RRAGC: variants seen among roughly 807,000 people sequenced by gnomAD.
RRAGC encodes the protein Ras related GTP binding C.
Under a neutral mutation model 37.1 loss-of-function variants are expected in RRAGC, and 8 were observed. The observed-to-expected ratio is 0.22, with a 90% CI of 0.13 to 0.39. The LOEUF is 0.39. Among genes scored for constraint, RRAGC ranks in the 10% least tolerant of loss-of-function variants. The probability of loss-of-function intolerance (pLI) is 1.00; values close to 1 mark genes in which losing one functional copy is unlikely to be tolerated. For synonymous variants in RRAGC, 190 were observed against 181.1 expected (o/e 1.05, Z -0.39); for missense variants, 342 against 497.6 (o/e 0.69, Z 2.98).
intron 5 of RRAGC, among the ~76,000 whole-genome samples, chr1:38,850,738 T>C (rs1158898604): frequency 6.6e-6 from 1 of 152,124 alleles, no homozygotes; most frequent in African/African-American, 2.4e-5. Context: ...AAAGCAAAGA[T>C]AATGCTAAAA....
chr1:38,848,216 A>C (rs1197294186), intron 5 of RRAGC: 5 of 152,114 alleles, frequency 3.3e-5, no homozygotes, highest in Non-Finnish European at 5.9e-5. Context: ...TGCTTTTAAG[A>C]GTATAGAAGA....
rs187058421 is a variant in RRAGC, at chr1:38,846,318, C to T, written c.900-231G>A. On this transcript the variant is annotated intron_variant, in intron 5 of 6. Transcript: ENST00000373001. The stretch of plus-strand genomic sequence containing the variant: ...ACATCCTTTAATATAGATAATCAGA[C>T]ATTTGGAGAAAAAGGTGCAAACATA... 7.8e-4 allele frequency: 330 copies of T among 425,612 alleles called. 3 individuals are homozygous for T. Among genetic ancestry groups the T allele is most frequent in the African/African-American group, 6.2e-3 (297 of 47,704 alleles). 26.4% of individuals were successfully genotyped at this position (425,612 alleles called of 1,614,324 possible). A position where few individuals can be genotyped will look rare whatever the true frequency, so the allele number is the denominator to read the frequency against.
intron 1 of RRAGC, 97 bp downstream of exon 1, chr1:38,859,313 C>G: frequency 1.8e-6 from 2 of 1,121,856 alleles, no homozygotes; most frequent in Non-Finnish European, 1.3e-6. Flanking sequence ...AGGGACGGAG[C>G]GCAGGCGGGC....
Position 38,841,740 on chromosome 1 carries a change from G to A in RRAGC, c.1049-2036C>T, listed in dbSNP as rs1049546780. 4.6e-5 allele frequency among the ~76,000 whole-genome samples: 7 copies of A among 151,850 alleles called. 1 individual carries two copies. In the South Asian group the frequency reaches 1.5e-3, roughly 32 times the overall value. On this transcript the variant is annotated intron_variant, in intron 6 of 6. Transcript: ENST00000373001. ...GATGCACACCTGTAATCCCAGCTAT[G>A]TGAGAGGCTGAGGTGTGAAGACTGC...
intron 3 of RRAGC, 88 bp downstream of exon 3, chr1:38,855,620 G>T: frequency 9.6e-7 from 1 of 1,037,180 alleles, no homozygotes; most frequent in Non-Finnish European, 1.5e-6. Flanking sequence ...CACACAGGTA[G>T]CAGAAAGCTA....
rs1437349017 is a variant in RRAGC, at chr1:38,859,735, G to GCCA, written c.-92_-90dup. On this transcript the variant is annotated 5_prime_UTR_variant, in exon 1 of 7. Transcript: ENST00000373001. ...TCCCCAGTCCGCCTCCGCCGCCGCC[G>GCCA]CCACCACCGCCACCGCCCCCGGCAG... The GCCA allele has an allele frequency of 7.5e-6, 8 of 1,061,402 alleles. No individual in the cohort carries two copies. The highest frequency in any genetic ancestry group is 6.7e-5 in the African/African-American group (4 of 60,088). The allele number at this position is 1,061,402 out of a possible 1,614,324, so 65.7% of individuals were successfully genotyped here.
chr1:38,850,109 C>T (rs1045389849), intron 5 of RRAGC, among the ~76,000 whole-genome samples: 14 of 151,052 alleles, frequency 9.3e-5, no homozygotes, highest in African/African-American at 3.2e-4. Flanking sequence ...GGGAGGCTGA[C>T]GCAGGAGAAT....
At chr1:38,854,757 A>G (rs1208848710) in intron 3 of RRAGC, among the ~76,000 whole-genome samples, 3 of 152,238 alleles carry the variant, frequency 2.0e-5, no homozygotes, top group Non-Finnish European at 4.4e-5. Flanking sequence ...AGAATAACTG[A>G]AAGATCTTGG....
chr1:38,859,470 G>A lies in RRAGC; in HGVS notation c.177C>T (p.Ser59=). The change falls in exon 1 of 7, where the codon AGC becomes AGT. Residue 59 remains serine (S), a synonymous_variant. Coordinates refer to ENST00000373001, the MANE Select transcript of RRAGC (RefSeq NM_022157.4). ...CCATGAGCAGAATCCTCGGCTTGGA[G>A]CTGTCAGCGCCCCCCGGACCACAGC... ...GGGCGPGGAD[S]SKPRILLMGL... is the part of the protein sequence containing the mutation. The A allele has an allele frequency of 2.6e-6, 4 of 1,548,118 alleles. No individual in the cohort carries two copies. Among genetic ancestry groups the A allele is most frequent in the Non-Finnish European group, 2.6e-6 (3 of 1,146,670 alleles).
intron 5 of RRAGC, among the ~76,000 whole-genome samples, chr1:38,850,549 A>G (rs1238755461): frequency 2.6e-5 from 4 of 152,014 alleles, no homozygotes; most frequent in Non-Finnish European, 4.4e-5. Flanking sequence ...TAAATAACAA[A>G]AGAGAGCATA....
intron 6 of RRAGC, among the ~76,000 whole-genome samples, chr1:38,842,180 G>A (rs1641972258): frequency 6.6e-6 from 1 of 152,194 alleles, no homozygotes; most frequent in Non-Finnish European, 1.5e-5. Context: ...GCTGAGGCAG[G>A]AGAATGGCAT....
chr1:38,850,686 A>G (rs1351215685), intron 5 of RRAGC, among the ~76,000 whole-genome samples: 4 of 152,124 alleles, frequency 2.6e-5, no homozygotes, highest in Non-Finnish European at 4.4e-5. Flanking sequence ...GGTGAAAGAG[A>G]TATTTAGACT....
chr1:38,839,011 T>C lies in RRAGC; in HGVS notation c.*542A>G, dbSNP rs1456034974. Reference sequence around the variant, plus strand: ...TTCTCTCATTTCTTCAATATAGGAATGTCTTGCTGCAGACTATGTGTCTTC... The same window carrying C: ...TTCTCTCATTTCTTCAATATAGGAACGTCTTGCTGCAGACTATGTGTCTTC... On this transcript the variant is annotated 3_prime_UTR_variant, in exon 7 of 7. Coordinates refer to ENST00000373001, the MANE Select transcript of RRAGC (RefSeq NM_022157.4). 1 of 152,308 alleles carries C rather than the reference T, an allele frequency of 6.6e-6. No homozygotes were observed. The highest frequency in any genetic ancestry group is 1.5e-5 in the Non-Finnish European group (1 of 68,108). The allele number at this position is 152,308 out of a possible 1,614,324, so 9.4% of individuals were successfully genotyped here.
At position 38,845,437 on chromosome 1, in the gene RRAGC, G is replaced by C. The variant is rs563442135; in HGVS notation, c.1048+502C>G. Among the ~76,000 whole-genome samples, 4 of 152,230 alleles carry C rather than the reference G, an allele frequency of 2.6e-5. No individual in the cohort carries two copies. The East Asian group carries it at 7.7e-4, about 29-fold the overall frequency. ...AGGGAGCTGAACAATGAGAACACATGGACACAGGAAGGGGGACATCACACA... is the reference window on the plus strand; with the variant it reads ...AGGGAGCTGAACAATGAGAACACATCGACACAGGAAGGGGGACATCACACA... On this transcript the variant is annotated intron_variant, in intron 6 of 6. Coordinates refer to ENST00000373001, the MANE Select transcript of RRAGC (RefSeq NM_022157.4).
chr1:38,856,701 G>A, intron 2 of RRAGC, 178 bp downstream of exon 2: 1 of 596,614 alleles, frequency 1.7e-6, no homozygotes, highest in South Asian at 2.1e-5. Flanking sequence ...CTGATATTCT[G>A]TACCTGCACA....
At position 38,857,966 on chromosome 1, in the gene RRAGC, CA is replaced by C. The variant is rs1056013998; in HGVS notation, c.238-885del. ...TGAGCAAGACTCCATAACAAACAAA[CA>C]AAAAAAAAAGGATCACAATAATCAC... On this transcript the variant is annotated intron_variant, in intron 1 of 6. Transcript: ENST00000373001. 4.4e-3 allele frequency among the ~76,000 whole-genome samples: 634 copies of C among 144,852 alleles called. 1 individual carries two copies. Among genetic ancestry groups the C allele is most frequent in the Non-Finnish European group, 5.5e-3 (359 of 65,740 alleles).
At chr1:38,843,202 G>A (rs1264015016) in intron 6 of RRAGC, among the ~76,000 whole-genome samples, 1 of 151,980 alleles carries the variant, frequency 6.6e-6, no homozygotes, top group African/African-American at 2.4e-5. Flanking sequence ...CCTGTAGCAT[G>A]AGCCTATAAT....
chr1:38,845,889 A>C, intron 6 of RRAGC, 50 bp downstream of exon 6: 1 of 1,463,184 alleles, frequency 6.8e-7, no homozygotes, highest in Non-Finnish European at 9.3e-7. Context: ...GAACCTGAGA[A>C]GTTATGGCAA....
chr1:38,840,634 G>A (rs768377574), intron 6 of RRAGC, among the ~76,000 whole-genome samples: 3 of 152,102 alleles, frequency 2.0e-5, no homozygotes, highest in South Asian at 2.1e-4. Flanking sequence ...ATACAGACAC[G>A]ATTTAATTAG....
Sources: allele counts gnomAD v4.1 joint callset (sites outside exome capture counted in the v4.1 genomes callset), GRCh38; gene constraint gnomAD v4.1.1; transcripts MANE v1.5; gene names NCBI Gene and HGNC (gene_info 2026-07-23, HGNC 2026-07-21).